Variants in PRPS2 observed in about 807,000 individuals in gnomAD.
PRPS2 encodes phosphoribosyl pyrophosphate synthetase 2.
For synonymous variants in PRPS2, 111 were observed against 115.3 expected, an observed-to-expected ratio of 0.96 and a Z score of 0.24; for missense variants, 104 against 271.5, an observed-to-expected ratio of 0.38 and a Z score of 4.34.
At chrX:12,808,428 C>T (rs747893242) in intron 2 of PRPS2, among the ~76,000 whole-genome samples, 1 of 110,785 alleles carries the variant, frequency 9.0e-6, no homozygotes, top group Non-Finnish European at 1.9e-5. Context: ...CTGAACGCCA[C>T]CTAGGTCTAA....
intron 4 of PRPS2, among the ~76,000 whole-genome samples, chrX:12,811,967 G>C (rs1349101514): frequency 8.9e-6 from 1 of 111,862 alleles, no homozygotes; most frequent in Non-Finnish European, 1.9e-5. Context: ...TAAAAGACGG[G>C]AGCAGAAAGT....
At chrX:12,810,303 C>A in intron 4 of PRPS2, 157 bp downstream of exon 4, 1 of 633,561 alleles carries the variant, frequency 1.6e-6, no homozygotes, top group South Asian at 3.6e-5. Context: ...AGAGCAGAAA[C>A]CCATCATCTT....
At position 12,823,467 on chromosome X, in the gene PRPS2, A is replaced by AT. The variant is rs1038783573; in HGVS notation, c.*677dup. 10 of 110,590 alleles carry AT rather than the reference A, an allele frequency of 9.0e-5. No individual in the cohort carries two copies. The highest frequency in any genetic ancestry group is 3.0e-4 in the African/African-American group (9 of 30,369). 9.1% of individuals were successfully genotyped at this position (110,590 alleles called of 1,213,427 possible). A position where few individuals can be genotyped will look rare whatever the true frequency, so the allele number is the denominator to read the frequency against. On this transcript the variant is annotated 3_prime_UTR_variant, in exon 7 of 7. Coordinates refer to ENST00000380668, the MANE Select transcript of PRPS2 (RefSeq NM_002765.5). ...TATCAGAGCAGTGTATTTCTGGATC[A>AT]TTTTTTAAATGACCTCTTCTAAAAC...
chrX:12,799,270 A>T lies in PRPS2; in HGVS notation c.186A>T (p.Glu62Asp). The change falls in exon 2 of 7, where the codon GAA (glutamate) becomes GAT (aspartate). Residue 62 changes from glutamate (E) to aspartate (D), a missense_variant. Transcript: ENST00000380668. ...DVYIIQSGCG[E>D]INDNLMELLI... ...ACATCATCCAGAGCGGCTGCGGGGA[A>T]ATTAACGACAACCTGATGGAACTCC... is the stretch of plus-strand genomic sequence containing the variant. The T allele has an allele frequency of 5.0e-6, 6 of 1,211,582 alleles. No homozygotes were observed. Among genetic ancestry groups the T allele is most frequent in the Non-Finnish European group, 6.7e-6 (6 of 895,437 alleles).
At chrX:12,818,386 A>AG (rs1369774977) in intron 4 of PRPS2, among the ~76,000 whole-genome samples, 2 of 99,114 alleles carry the variant, frequency 2.0e-5, no homozygotes, top group Non-Finnish European at 4.1e-5. Flanking sequence ...AAAAAAAAAG[A>AG]AAAGAAAAGA....
intron 3 of PRPS2, 100 bp downstream of exon 3, chrX:12,809,432 C>T (rs2042611492): frequency 2.3e-6 from 2 of 857,431 alleles, no homozygotes; most frequent in South Asian, 4.7e-5. Context: ...TGGCTACTCT[C>T]TTGGATTTTT....
rs192000745 is a variant in PRPS2, at chrX:12,814,604, C to T, written c.530+4458C>T. Among the ~76,000 whole-genome samples the T allele has an allele frequency of 2.4e-4, 27 of 111,879 alleles. No individual in the cohort carries two copies. In the East Asian group the frequency reaches 6.1e-3, roughly 25 times the overall value. On this transcript the variant is annotated intron_variant, in intron 4 of 6. Transcript: ENST00000380668. ...AAAAGCTTTGAAGCTTGACTCGTTC[C>T]GGGTAAAACTGAATGTTGCCACAGG...
intron 4 of PRPS2, among the ~76,000 whole-genome samples, chrX:12,810,796 G>C (rs1417650550): frequency 9.3e-6 from 1 of 107,315 alleles, no homozygotes; most frequent in Non-Finnish European, 1.9e-5. Context: ...GCTGCAGAGA[G>C]CTATGATCAC....
intron 1 of PRPS2, among the ~76,000 whole-genome samples, chrX:12,794,848 G>A (rs180887642): frequency 1.8e-5 from 2 of 111,922 alleles, no homozygotes; most frequent in East Asian, 5.6e-4. Flanking sequence ...TGGGATAAAC[G>A]TCATAAGACC....
intron 4 of PRPS2, among the ~76,000 whole-genome samples, chrX:12,818,440 G>A (rs1355398278): frequency 1.8e-5 from 2 of 109,400 alleles, no homozygotes; most frequent in African/African-American, 6.7e-5. Flanking sequence ...AGGGAGGGGA[G>A]CCTGGAGCAC....
chrX:12,811,147 G>C (rs1971548820), intron 4 of PRPS2, among the ~76,000 whole-genome samples: 2 of 112,578 alleles, frequency 1.8e-5, no homozygotes, highest in Non-Finnish European at 3.7e-5. Context: ...AGAAAACCAA[G>C]AGAACACAGT....
chrX:12,807,290 C>G (rs191372976), intron 2 of PRPS2, among the ~76,000 whole-genome samples: 314 of 111,748 alleles, frequency 2.8e-3, no homozygotes, highest in Non-Finnish European at 4.7e-3. Context: ...ACCTTAATCC[C>G]GCTCTCAAGG....
rs1343843690 is a variant in PRPS2 at position 12,819,674 on chromosome X, C to T, written c.698C>T (p.Ala233Val). ...ACTTGCGGCACCATCTGCCATGCTG[C>T]GGACAAGTACGCAGGGCGGTGGGGA... ...ADTCGTICHA[A>V]DKLLSAGATK... Residue 233 changes from alanine to valine, a missense_variant, in exon 5 of 7, where the codon GCG becomes GTG. Ala to Val is a moderately conservative substitution (Grantham distance 64). Coordinates refer to ENST00000380668, the MANE Select transcript of PRPS2 (RefSeq NM_002765.5). The T allele has an allele frequency of 7.5e-6, 9 of 1,207,724 alleles. No individual in the cohort carries two copies. The highest frequency in any genetic ancestry group is 2.3e-4 in the Middle Eastern group (1 of 4,363).
In PRPS2 at chrX:12,800,220, G is replaced by A. The variant is rs745333532; in HGVS notation, c.306+830G>A. ...TGGGCAGGGGCACGCTCCCTCTGAAGGCTGTAAGGGAGGCTGCTTCCTCGC... is the reference window on the plus strand; with the variant it reads ...TGGGCAGGGGCACGCTCCCTCTGAAAGCTGTAAGGGAGGCTGCTTCCTCGC... On this transcript the variant is annotated intron_variant, in intron 2 of 6. Transcript: ENST00000380668. Among the ~76,000 whole-genome samples, 71 of 111,881 alleles carry A rather than the reference G, an allele frequency of 6.3e-4. 1 individual carries two copies. Among genetic ancestry groups the A allele is most frequent in the African/African-American group, 2.2e-3 (69 of 30,816 alleles).
At chrX:12,811,425 T>C (rs1187864681) in intron 4 of PRPS2, among the ~76,000 whole-genome samples, 1 of 111,187 alleles carries the variant, frequency 9.0e-6, no homozygotes, top group African/African-American at 3.3e-5. Flanking sequence ...GAATCAAGGA[T>C]GAGCACAATA....
At position 12,809,288 on chromosome X, in the gene PRPS2, G is replaced by A; in HGVS notation, c.361G>A (p.Ala121Thr). Residue 121 changes from alanine (A) to threonine (T), a missense_variant, in exon 3 of 7, where the codon GCG becomes ACG. By Grantham distance (58) the Ala-to-Thr change is moderately conservative. Coordinates refer to ENST00000380668, the MANE Select transcript of PRPS2 (RefSeq NM_002765.5). Reference sequence around the variant, plus strand: ...GGCCAATATGCTGTCGGTGGCTGGGGCGGATCACATCATCACCATGGACCT... The same window carrying A: ...GGCCAATATGCTGTCGGTGGCTGGGACGGATCACATCATCACCATGGACCT... ...LVANMLSVAG[A>T]DHIITMDLHA... 1 of 1,210,656 alleles carries A rather than the reference G, an allele frequency of 8.3e-7. No homozygotes were observed. Among genetic ancestry groups the A allele is most frequent in the Non-Finnish European group, 1.1e-6 (1 of 895,254 alleles).
intron 5 of PRPS2, 97 bp from the exon 6 acceptor site, chrX:12,820,547 T>C: frequency 2.1e-6 from 2 of 945,474 alleles, no homozygotes; most frequent in South Asian, 2.7e-5. Flanking sequence ...CATTTTTCTT[T>C]TACGGAGCAC....
At chrX:12,791,757 G>A in intron 1 of PRPS2, 138 bp downstream of exon 1, 1 of 620,293 alleles carries the variant, frequency 1.6e-6, no homozygotes, top group Non-Finnish European at 1.9e-6. Context: ...TGGCAACGCG[G>A]CCTCCGCGCC....
chrX:12,812,147 A>G (rs994926425), intron 4 of PRPS2, among the ~76,000 whole-genome samples: 1 of 111,954 alleles, frequency 8.9e-6, no homozygotes, highest in Admixed American at 9.5e-5. Flanking sequence ...TTTTGGAGTC[A>G]TATCTACTAG....
Sources: gnomAD v4.1 joint callset for allele counts (sites outside exome capture counted in the v4.1 genomes callset) on GRCh38, gnomAD v4.1.1 for gene constraint, MANE v1.5 for transcripts, NCBI Gene and HGNC (gene_info 2026-07-23, HGNC 2026-07-21) for gene names.